SLC4A10: variants seen among roughly 807,000 people sequenced by gnomAD.
SLC4A10 encodes sodium-driven chloride bicarbonate exchanger.
Under a neutral mutation model 137.7 loss-of-function variants are expected in SLC4A10, and 42 were observed. That is an observed-to-expected ratio of 0.30 (90% CI 0.24 to 0.39). The LOEUF is 0.39. Ranked by LOEUF, SLC4A10 falls within the 10% of genes least tolerant of loss-of-function variation. The pLI is 1.00. For missense variants in SLC4A10, 925 were observed against 1,355.0 expected, an observed-to-expected ratio of 0.68 and a Z score of 4.98; for synonymous variants, 474 against 464.1, an observed-to-expected ratio of 1.02 and a Z score of -0.27.
intron 7 of SLC4A10, among the ~76,000 whole-genome samples, chr2:161,873,603 A>G (rs923180104): frequency 1.3e-5 from 2 of 151,454 alleles, no homozygotes; most frequent in African/African-American, 2.4e-5. Flanking sequence ...AAAATACGGC[A>G]GGTTAACAAT....
chr2:161,769,476 G>A (rs1175567118), intron 1 of SLC4A10, among the ~76,000 whole-genome samples: 3 of 151,846 alleles, frequency 2.0e-5, no homozygotes, highest in African/African-American at 2.4e-5. Context: ...AATCAGCAGC[G>A]CTTTGCAAGG....
At chr2:161,983,066 C>T (rs573816172) in intron 26 of SLC4A10, 113 bp from the exon 27 acceptor site, 1 of 860,200 alleles carries the variant, frequency 1.2e-6, no homozygotes, top group Non-Finnish European at 1.8e-6. Flanking sequence ...AGAGCAATGC[C>T]TACGGGCTCT....
chr2:161,837,205 T>A (rs1455947817), intron 3 of SLC4A10, among the ~76,000 whole-genome samples: 1 of 152,044 alleles, frequency 6.6e-6, no homozygotes, highest in Non-Finnish European at 1.5e-5. Flanking sequence ...ACCTGGAAAA[T>A]TCCGTGGAAC....
intron 25 of SLC4A10, chr2:161,977,200 A>T: frequency 3.5e-6 from 1 of 284,380 alleles, no homozygotes; most frequent in South Asian, 4.6e-5. Flanking sequence ...ATCTGGCCAC[A>T]TTTTGCACTC....
intron 1 of SLC4A10, among the ~76,000 whole-genome samples, chr2:161,733,021 A>C (rs537568471): frequency 6.6e-6 from 1 of 152,238 alleles, no homozygotes. Context: ...CGTTGAAAGC[A>C]TTCAGTTTTA....
At chr2:161,722,999 C>A (rs968032884) in intron 1 of SLC4A10, among the ~76,000 whole-genome samples, 1 of 152,176 alleles carries the variant, frequency 6.6e-6, no homozygotes, top group Non-Finnish European at 1.5e-5. Context: ...TCCTCCAGGT[C>A]CAAACTACTC....
chr2:161,760,376 A>T (rs2050134024), intron 1 of SLC4A10, among the ~76,000 whole-genome samples: 1 of 149,326 alleles, frequency 6.7e-6, no homozygotes, highest in South Asian at 2.1e-4. Context: ...TTATATACAA[A>T]TACATATATA....
intron 1 of SLC4A10, among the ~76,000 whole-genome samples, chr2:161,671,688 A>T (rs750324977): frequency 2.0e-5 from 3 of 152,182 alleles, no homozygotes; most frequent in Non-Finnish European, 2.9e-5. Flanking sequence ...ATCTAAAATA[A>T]AAAAGAAAAC....
chr2:161,819,900 A>G (rs1559324566), intron 3 of SLC4A10, among the ~76,000 whole-genome samples: 1 of 152,254 alleles, frequency 6.6e-6, no homozygotes, highest in Non-Finnish European at 1.5e-5. Flanking sequence ...AGTTTGAAGC[A>G]TAAGCTTGAA....
intron 1 of SLC4A10, among the ~76,000 whole-genome samples, chr2:161,687,048 A>AT (rs879891097): frequency 6.9e-4 from 105 of 151,820 alleles, no homozygotes; most frequent in African/African-American, 2.2e-3. Context: ...TGCCCAGCAA[A>AT]TTTTTTTTAT....
Position 161,770,969 on chromosome 2 carries a change from A to T in SLC4A10, c.49-4A>T. The T allele has an allele frequency of 1.9e-6, 3 of 1,594,208 alleles. No homozygotes were observed. The highest frequency in any genetic ancestry group is 2.6e-6 in the Non-Finnish European group (3 of 1,165,952). On this transcript the variant is annotated splice_polypyrimidine_tract_variant and splice_region_variant and intron_variant, in intron 1 of 26. Coordinates refer to ENST00000446997, the MANE Select transcript of SLC4A10 (RefSeq NM_001178015.2). Reference sequence around the variant, plus strand: ...ATTTAATCTTCCTTATCCTCATTTAACAGAGAAATGATGAAGAAGCAGTTG... The same window carrying T: ...ATTTAATCTTCCTTATCCTCATTTATCAGAGAAATGATGAAGAAGCAGTTG...
At chr2:161,765,512 CA>C (rs1003454332) in intron 1 of SLC4A10, among the ~76,000 whole-genome samples, 5 of 150,016 alleles carry the variant, frequency 3.3e-5, no homozygotes, top group Non-Finnish European at 5.9e-5. Flanking sequence ...GAGGCTGAGG[CA>C]GGAGAATTGG....
intron 23 of SLC4A10, among the ~76,000 whole-genome samples, chr2:161,969,061 G>A (rs1698079343): frequency 6.6e-6 from 1 of 152,178 alleles, no homozygotes; most frequent in African/African-American, 2.4e-5. Context: ...CTTTGATCAT[G>A]AACTGGCAAG....
intron 1 of SLC4A10, among the ~76,000 whole-genome samples, chr2:161,687,469 G>T (rs187181375): frequency 6.6e-6 from 1 of 152,062 alleles, no homozygotes; most frequent in African/African-American, 2.4e-5. Flanking sequence ...CAATCACAGC[G>T]TAATTCAGCC....
chr2:161,825,295 A>G (rs1194627299), intron 3 of SLC4A10, among the ~76,000 whole-genome samples: 3 of 152,092 alleles, frequency 2.0e-5, no homozygotes, highest in Non-Finnish European at 4.4e-5. Flanking sequence ...ATCTTCCTGC[A>G]GATGCTCCAT....
intron 2 of SLC4A10, among the ~76,000 whole-genome samples, chr2:161,786,109 G>A (rs943469557): frequency 2.0e-5 from 3 of 151,456 alleles, no homozygotes; most frequent in African/African-American, 7.3e-5. Context: ...TCAGGTATTG[G>A]GTATAAATAT....
intron 1 of SLC4A10, among the ~76,000 whole-genome samples, chr2:161,632,536 T>C (rs1156464629): frequency 1.3e-5 from 2 of 151,684 alleles, no homozygotes; most frequent in African/African-American, 2.4e-5. Flanking sequence ...AACTTTATGA[T>C]ATAAATGTCT....
At chr2:161,903,963 T>A (rs376075933) in intron 12 of SLC4A10, 41 bp from the exon 13 acceptor site, 1 of 1,514,526 alleles carries the variant, frequency 6.6e-7, no homozygotes, top group African/African-American at 1.4e-5. Flanking sequence ...GTGTGTTTTT[T>A]ATATTTGGGT....
chr2:161,643,827 A>G (rs987139334), intron 1 of SLC4A10, among the ~76,000 whole-genome samples: 2 of 152,194 alleles, frequency 1.3e-5, no homozygotes, highest in African/African-American at 4.8e-5. Context: ...TAATTGATTC[A>G]AGTAGAACAT....
Sources: allele counts gnomAD v4.1 joint callset (sites outside exome capture counted in the v4.1 genomes callset), GRCh38; gene constraint gnomAD v4.1.1; transcripts MANE v1.5; gene names NCBI Gene and HGNC (gene_info 2026-07-23, HGNC 2026-07-21).